Variants in BRD8 observed in about 807,000 individuals in gnomAD.
BRD8 encodes bromodomain-containing protein 8.
BRD8 carries 67 observed loss-of-function variants against 143.1 expected under a neutral mutation model. The observed-to-expected ratio is 0.47, with a 90% CI of 0.38 to 0.57. BRD8 has a LOEUF of 0.57. Among genes scored for constraint, BRD8 ranks in the 20% least tolerant of loss-of-function variants. BRD8 has a pLI of 0.00. For synonymous variants in BRD8, 505 were observed against 517.1 expected (o/e 0.98, Z 0.32); for missense variants, 1,103 against 1,503.0 (o/e 0.73, Z 4.40).
At chr5:138,168,147 C>T (rs1753593052) in intron 8 of BRD8, 69 bp from the exon 9 acceptor site, 1 of 1,171,038 alleles carries the variant, frequency 8.5e-7, no homozygotes, top group Non-Finnish European at 1.2e-6. Context: ...CAACAAAGCT[C>T]CAGCAGTTGA....
At chr5:138,140,525 C>A in intron 26 of BRD8, 180 bp downstream of exon 26, 1 of 685,248 alleles carries the variant, frequency 1.5e-6, no homozygotes, top group Non-Finnish European at 2.5e-6. Flanking sequence ...ACTTCACTAT[C>A]AGAGCTGGAC....
At chr5:138,145,602 A>G (rs1752116802) in intron 24 of BRD8, among the ~76,000 whole-genome samples, 187 bp downstream of exon 24, 1 of 152,244 alleles carries the variant, frequency 6.6e-6, no homozygotes, top group African/African-American at 2.4e-5. Flanking sequence ...TGGCACAGCA[A>G]CTATTTCTTG....
Position 138,165,731 on chromosome 5 carries a change from A to C in BRD8, c.1278+97T>G, listed in dbSNP as rs1307919898. On this transcript the variant is annotated intron_variant, in intron 11 of 26. Transcript: ENST00000254900. ...AAAGAGCAAGACTCTGTCTCCAAAAAAAAAAAAAAAAAAGCAGCAGCAGCA... is the reference window on the plus strand; with the variant it reads ...AAAGAGCAAGACTCTGTCTCCAAAACAAAAAAAAAAAAAGCAGCAGCAGCA... 6.2e-4 allele frequency: 757 copies of C among 1,215,684 alleles called. 6 individuals are homozygous for C. The African/African-American group carries it at 0.011, about 18-fold the overall frequency. 75.3% of individuals were successfully genotyped at this position (1,215,684 alleles called of 1,614,324 possible). A position where few individuals can be genotyped will look rare whatever the true frequency, so the allele number is the denominator to read the frequency against.
intron 20 of BRD8, chr5:138,157,292 G>A (rs1280203855): frequency 6.2e-7 from 1 of 1,613,524 alleles, no homozygotes; most frequent in Non-Finnish European, 8.5e-7. Context: ...GAGAAAGAAA[G>A]GGAGCATGAG....
chr5:138,164,291 T>G (rs1412735864), intron 13 of BRD8, 29 bp downstream of exon 13: 1 of 1,608,812 alleles, frequency 6.2e-7, no homozygotes, highest in Admixed American at 1.7e-5. Context: ...GCAAATGATT[T>G]CAAGTCAGTG....
At chr5:138,162,200 T>A in intron 15 of BRD8, 54 bp from the exon 16 acceptor site, 1 of 1,384,824 alleles carries the variant, frequency 7.2e-7, no homozygotes, top group Non-Finnish European at 1.0e-6. Flanking sequence ...ATAAAAATTA[T>A]AATTCTCTTT....
At chr5:138,156,359 C>G (rs993688604) in intron 20 of BRD8, among the ~76,000 whole-genome samples, 2 of 151,958 alleles carry the variant, frequency 1.3e-5, no homozygotes, top group African/African-American at 4.8e-5. Context: ...AGGCTGGTCT[C>G]GAACTCCTGA....
At chr5:138,170,555 A>T (rs1561618402) in intron 6 of BRD8, 146 bp from the exon 7 acceptor site, 1 of 891,262 alleles carries the variant, frequency 1.1e-6, no homozygotes, top group African/African-American at 1.6e-5. Context: ...AAAACAGTGA[A>T]TTGGGGTATA....
chr5:138,150,990 G>T lies in BRD8; in HGVS notation c.2875C>A (p.Pro959Thr), dbSNP rs753312099. The T allele has an allele frequency of 2.5e-6, 4 of 1,612,318 alleles. No individual in the cohort carries two copies. The highest frequency in any genetic ancestry group is 8.5e-7 in the Non-Finnish European group (1 of 1,179,778). Reference protein sequence around the residue: ...FLSEVAYLMEPLCISSNESSE... With the variant: ...FLSEVAYLMETLCISSNESSE... ...GATTCGTTGCTGCTGATGCACAAGGGCTCCATTAAATAAGCTACCTGCAAT... is the reference window on the plus strand; with the variant it reads ...GATTCGTTGCTGCTGATGCACAAGGTCTCCATTAAATAAGCTACCTGCAAT... Residue 959 changes from proline (P) to threonine (T), a missense_variant, in exon 22 of 27, where the codon CCC (proline) becomes ACC (threonine). Pro to Thr is a conservative substitution (Grantham distance 38, BLOSUM62 -1). Around this residue, in one of 7 missense-constraint regions of BRD8, gnomAD observed 369 missense variants for 445.5 expected, o/e 0.83. Transcript: ENST00000254900.
In BRD8 at chr5:138,165,062, A is replaced by G. The variant is rs1226171116; in HGVS notation, c.1383T>C (p.His461=). 47 of 1,613,964 alleles carry G rather than the reference A, an allele frequency of 2.9e-5. No individual in the cohort carries two copies. The highest frequency in any genetic ancestry group is 3.6e-5 in the Non-Finnish European group (43 of 1,180,004). The stretch of plus-strand genomic sequence containing the variant: ...GCTTGTCCCGCTCCTGCTGGATAGG[A>G]TGCTCCCAGGGGCCAGGCAGGGACT... ...DPQSLPGPWE[H]PIQQERDKPV... Residue 461 remains histidine (H), a synonymous_variant, in exon 12 of 27, where the codon CAT becomes CAC. Transcript: ENST00000254900.
At chr5:138,170,802 A>G (rs1467491649) in intron 6 of BRD8, 30 bp downstream of exon 6, 1 of 1,579,424 alleles carries the variant, frequency 6.3e-7, no homozygotes, top group Admixed American at 1.7e-5. Flanking sequence ...AAAAGAAAGA[A>G]GCACAGAAGA....
At chr5:138,144,916 A>T (rs866202754) in intron 25 of BRD8, among the ~76,000 whole-genome samples, 9,504 of 132,790 alleles carry the variant, frequency 0.072, 396 homozygotes, top group African/African-American at 0.16. Context: ...AAAAAAAAAA[A>T]AAATATATAT....
rs1225244483 is a variant in BRD8 at position 138,166,708 on chromosome 5, C to G, written c.807G>C (p.Arg269=). Residue 269 remains arginine, a synonymous_variant, in exon 10 of 27, where the codon CGG becomes CGC. Coordinates refer to ENST00000254900, the MANE Select transcript of BRD8 (RefSeq NM_139199.2). ...PAASGAPTLS[R]LLEAGPTQFT... is the part of the protein sequence containing the mutation. The stretch of plus-strand genomic sequence containing the variant: ...ACTGTGTAGGACCAGCTTCTAAAAG[C>G]CGGGAAAGAGTGGGAGCACCTAACA... 2.5e-6 allele frequency: 4 copies of G among 1,612,298 alleles called. No homozygotes were observed. The highest frequency in any genetic ancestry group is 3.4e-6 in the Non-Finnish European group (4 of 1,178,722).
chr5:138,142,624 G>C (rs903040082), intron 25 of BRD8, among the ~76,000 whole-genome samples: 34 of 151,978 alleles, frequency 2.2e-4, no homozygotes, highest in East Asian at 7.8e-4. Flanking sequence ...TTAGCTGGGC[G>C]TGGTGACGTG....
At chr5:138,163,620 C>T (rs1442254475) in intron 14 of BRD8, 1 of 1,419,454 alleles carries the variant, frequency 7.0e-7, no homozygotes, top group East Asian at 3.4e-5. Context: ...CCTTCTTTCC[C>T]CTTGCTCGAG....
At chr5:138,151,126 T>TTGTA (rs1581410066) in intron 21 of BRD8, 118 bp from the exon 22 acceptor site, 1 of 1,314,256 alleles carries the variant, frequency 7.6e-7, no homozygotes, top group East Asian at 2.3e-5. Context: ...GACAAAATGG[T>TTGTA]TTAATTAATA....
At chr5:138,155,973 C>G (rs1379244314) in intron 20 of BRD8, among the ~76,000 whole-genome samples, 3 of 151,112 alleles carry the variant, frequency 2.0e-5, no homozygotes, top group Admixed American at 2.0e-4. Flanking sequence ...TTCCGTGGCT[C>G]AAGAGATCCT....
chr5:138,170,680 C>G (rs556410025), intron 6 of BRD8, 152 bp downstream of exon 6: 122 of 764,828 alleles, frequency 1.6e-4, no homozygotes, highest in Middle Eastern at 9.3e-4. Context: ...CTCACTCCCC[C>G]CTCCCAGCCA....
intron 11 of BRD8, 89 bp from the exon 12 acceptor site, chr5:138,165,255 C>T (rs1317037441): frequency 7.2e-7 from 1 of 1,396,634 alleles, no homozygotes; most frequent in African/African-American, 1.5e-5. Flanking sequence ...TGGCTTGAAT[C>T]TGCAGCTTTT....
Sources: gnomAD v4.1 joint callset for allele counts (sites outside exome capture counted in the v4.1 genomes callset) on GRCh38, gnomAD v4.1.1 for gene constraint, gnomAD v4.1.1 regional missense constraint, MANE v1.5 for transcripts, NCBI Gene and HGNC (gene_info 2026-07-23, HGNC 2026-07-21) for gene names.